DLGAP2: variants seen among roughly 807,000 people sequenced by gnomAD.
DLGAP2 encodes DLG associated protein 2.
Under a neutral mutation model 100.3 loss-of-function variants are expected in DLGAP2, and 26 were observed. The ratio of observed to expected loss-of-function variants is 0.26; its 90% CI spans 0.19 to 0.36. DLGAP2 has a LOEUF of 0.36. Ranked by LOEUF, DLGAP2 falls within the 10% of genes least tolerant of loss-of-function variation. The pLI, the probability that DLGAP2 is intolerant of heterozygous loss-of-function variation, is 1.00. For synonymous variants in DLGAP2, 886 were observed against 630.1 expected (o/e 1.41, Z -6.08); for missense variants, 1,858 against 1,453.2 (o/e 1.28, Z -4.53).
intron 3 of DLGAP2, among the ~76,000 whole-genome samples, chr8:1,272,198 C>T (rs1027403366): frequency 7.9e-5 from 12 of 152,120 alleles, no homozygotes; most frequent in Non-Finnish European, 1.8e-4. Flanking sequence ...AATTAGGATA[C>T]CCTCATTTTA....
chr8:1,195,375 G>T (rs1305098134), intron 2 of DLGAP2, among the ~76,000 whole-genome samples: 1 of 152,238 alleles, frequency 6.6e-6, no homozygotes, highest in Non-Finnish European at 1.5e-5. Flanking sequence ...CCACCGACAG[G>T]TCAGAGACGG....
At chr8:1,636,994 C>T (rs899371305) in intron 8 of DLGAP2, among the ~76,000 whole-genome samples, 7 of 152,226 alleles carry the variant, frequency 4.6e-5, no homozygotes, top group Non-Finnish European at 8.8e-5. Flanking sequence ...CGATGGCTGC[C>T]GAGTGCGCAG....
intron 2 of DLGAP2, among the ~76,000 whole-genome samples, chr8:1,049,209 G>A (rs1419190414): frequency 2.6e-5 from 4 of 152,176 alleles, no homozygotes; most frequent in Admixed American, 2.0e-4. Flanking sequence ...TCGAGTTACG[G>A]GGGAAAATGT....
At chr8:1,296,658 A>C (rs1800183614) in intron 3 of DLGAP2, among the ~76,000 whole-genome samples, 1 of 152,176 alleles carries the variant, frequency 6.6e-6, no homozygotes, top group African/African-American at 2.4e-5. Flanking sequence ...ATTTTGGCAA[A>C]TCCTGGGAAC....
intron 2 of DLGAP2, among the ~76,000 whole-genome samples, chr8:924,431 G>A (rs997455560): frequency 6.6e-6 from 1 of 152,130 alleles, no homozygotes; most frequent in Admixed American, 6.5e-5. Flanking sequence ...ATGTTGTGGG[G>A]TCCTGTTGTG....
chr8:1,148,509 T>C (rs7829644), intron 2 of DLGAP2, among the ~76,000 whole-genome samples: 35,427 of 152,024 alleles, frequency 0.23, 4,243 homozygotes, highest in Middle Eastern at 0.35. Flanking sequence ...ATCCTTATTC[T>C]AATTTCTTGT....
At chr8:1,012,884 C>G (rs1268609467) in intron 2 of DLGAP2, among the ~76,000 whole-genome samples, 1 of 152,070 alleles carries the variant, frequency 6.6e-6, no homozygotes, top group Non-Finnish European at 1.5e-5. Context: ...GACCACTGTC[C>G]CATGAGTATG....
intron 2 of DLGAP2, among the ~76,000 whole-genome samples, chr8:1,095,646 G>A (rs1451946561): frequency 6.6e-6 from 1 of 152,194 alleles, no homozygotes; most frequent in East Asian, 1.9e-4. Flanking sequence ...ACACAGTGAG[G>A]ACTGGCTGTA....
At chr8:1,178,186 A>G (rs907150078) in intron 2 of DLGAP2, among the ~76,000 whole-genome samples, 1 of 152,212 alleles carries the variant, frequency 6.6e-6, no homozygotes, top group Admixed American at 6.5e-5. Context: ...TAAATTCAGG[A>G]AGATAGTAGT....
chr8:1,167,685 T>A (rs1221729114), intron 2 of DLGAP2, among the ~76,000 whole-genome samples: 2 of 152,188 alleles, frequency 1.3e-5, no homozygotes, highest in Non-Finnish European at 2.9e-5. Context: ...AATGGAATAT[T>A]CTTGGTTTAT....
At chr8:1,618,351 C>T (rs961418212) in intron 6 of DLGAP2, among the ~76,000 whole-genome samples, 1 of 152,172 alleles carries the variant, frequency 6.6e-6, no homozygotes, top group Non-Finnish European at 1.5e-5. Context: ...TAGTTTTAAA[C>T]ATCTCAACAG....
At chr8:1,281,054 G>C (rs996379347) in intron 3 of DLGAP2, among the ~76,000 whole-genome samples, 1 of 152,190 alleles carries the variant, frequency 6.6e-6, no homozygotes, top group African/African-American at 2.4e-5. Context: ...AATGAGATAA[G>C]AATAGTGCCC....
At chr8:1,374,451 T>A (rs781377741) in intron 3 of DLGAP2, among the ~76,000 whole-genome samples, 20 of 152,180 alleles carry the variant, frequency 1.3e-4, no homozygotes, top group Non-Finnish European at 2.2e-4. Flanking sequence ...GTAGGATGAT[T>A]GCGCAAAAGG....
chr8:1,137,041 G>T (rs2129049977), intron 2 of DLGAP2, among the ~76,000 whole-genome samples: 1 of 152,318 alleles, frequency 6.6e-6, no homozygotes, highest in South Asian at 2.1e-4. Flanking sequence ...CAAACAACAG[G>T]AACTTATGTT....
At chr8:1,639,397 T>C (rs1251440992) in intron 8 of DLGAP2, among the ~76,000 whole-genome samples, 1 of 151,958 alleles carries the variant, frequency 6.6e-6, no homozygotes, top group Non-Finnish European at 1.5e-5. Flanking sequence ...GTGGGCAGAG[T>C]CCTGGAAGGC....
At chr8:1,299,238 G>A (rs1432298219) in intron 3 of DLGAP2, among the ~76,000 whole-genome samples, 1 of 152,206 alleles carries the variant, frequency 6.6e-6, no homozygotes, top group Non-Finnish European at 1.5e-5. Context: ...CGCCATAGAT[G>A]CCAGTCCTGA....
At chr8:1,210,641 A>G (rs193139720) in intron 2 of DLGAP2, among the ~76,000 whole-genome samples, 465 of 152,282 alleles carry the variant, frequency 3.1e-3, no homozygotes, top group Non-Finnish European at 5.1e-3. Context: ...CCCTCTTGCC[A>G]TGGCTACTGC....
chr8:1,186,537 G>T (rs769608367), intron 2 of DLGAP2, among the ~76,000 whole-genome samples: 13 of 152,108 alleles, frequency 8.5e-5, no homozygotes, highest in Non-Finnish European at 1.6e-4. Context: ...TCCTCTCTAA[G>T]CGTCCTGATA....
intron 1 of DLGAP2, among the ~76,000 whole-genome samples, chr8:841,532 G>T (rs967214907): frequency 2.0e-5 from 3 of 152,154 alleles, no homozygotes; most frequent in African/African-American, 7.2e-5. Context: ...CTACATGAAG[G>T]TCATTGTTTC....
Sources: allele counts gnomAD v4.1 joint callset (sites outside exome capture counted in the v4.1 genomes callset), GRCh38; gene constraint gnomAD v4.1.1; transcripts MANE v1.5; gene names NCBI Gene and HGNC (gene_info 2026-07-23, HGNC 2026-07-21).